The following ARHGEF28 variants were observed in gnomAD, a reference collection of about 807,000 sequenced individuals.
ARHGEF28 encodes Rho guanine nucleotide exchange factor 28.
ARHGEF28 carries 152 observed loss-of-function variants against 206.6 expected under a neutral mutation model. That is an observed-to-expected ratio of 0.74 (90% CI 0.64 to 0.84). The LOEUF (loss-of-function observed/expected upper bound fraction) is 0.84, where lower values mean the gene tolerates loss of function less well. Ranked by LOEUF, ARHGEF28 falls within the 40% of genes least tolerant of loss-of-function variation. ARHGEF28 has a pLI of 0.00. For missense variants in ARHGEF28, 2,028 were observed against 2,073.2 expected, an observed-to-expected ratio of 0.98 and a Z score of 0.42; for synonymous variants, 763 against 776.4, an observed-to-expected ratio of 0.98 and a Z score of 0.29.
At chr5:73,736,798 G>A (rs996769394) in intron 2 of ARHGEF28, among the ~76,000 whole-genome samples, 7 of 141,694 alleles carry the variant, frequency 4.9e-5, no homozygotes, top group African/African-American at 1.0e-4. Context: ...CCATGGTAAG[G>A]TTTGTAAACA....
intron 1 of ARHGEF28, 98 bp from the exon 2 acceptor site, chr5:73,684,743 T>G (rs1334115747): frequency 1.1e-6 from 1 of 949,812 alleles, no homozygotes; most frequent in Non-Finnish European, 1.6e-6. Flanking sequence ...CTAATGAGTT[T>G]GCTTCTCCCT....
At chr5:73,750,044 G>A in intron 3 of ARHGEF28, 60 bp downstream of exon 3, 1 of 1,588,092 alleles carries the variant, frequency 6.3e-7, no homozygotes, top group East Asian at 2.2e-5. Flanking sequence ...TTCCCTCCAG[G>A]GCTGTAGGCC....
At chr5:73,737,836 C>A (rs1184154149) in intron 2 of ARHGEF28, among the ~76,000 whole-genome samples, 1 of 152,026 alleles carries the variant, frequency 6.6e-6, no homozygotes, top group Non-Finnish European at 1.5e-5. Flanking sequence ...CTTTTCTTTC[C>A]CCTCTTCTGT....
rs1282706697 is a variant in ARHGEF28, at chr5:73,909,460, C to G, written c.4210C>G (p.Leu1404Val). The change falls in exon 34 of 36, where the codon CTC becomes GTC. Residue 1404 changes from leucine to valine, a missense_variant. Leu to Val is a conservative substitution (Grantham distance 32, BLOSUM62 1). This residue lies in a region of ARHGEF28 where 803 missense variants were observed against 768.0 expected (regional missense o/e 1.05). Transcript: ENST00000513042. ...CCACATTGAGATCCACAGGCTGGTT[C>G]TCCAGCAGCAGGAGGGCCTGTCTCT... ...DSHIEIHRLV[L>V]QQQEGLSLGH... The G allele has an allele frequency of 6.2e-7, 1 of 1,612,828 alleles. No homozygotes were observed. Among genetic ancestry groups the G allele is most frequent in the African/African-American group, 1.3e-5 (1 of 74,940 alleles).
At chr5:73,904,486 A>G (rs1487695626) in intron 33 of ARHGEF28, 81 bp downstream of exon 33, 3 of 1,414,524 alleles carry the variant, frequency 2.1e-6, no homozygotes, top group Non-Finnish European at 2.9e-6. Context: ...GACTTTAAAA[A>G]TGAGAACAAG....
intron 2 of ARHGEF28, 104 bp downstream of exon 2, chr5:73,684,988 C>A: frequency 7.9e-7 from 1 of 1,264,542 alleles, no homozygotes; most frequent in Non-Finnish European, 1.1e-6. Flanking sequence ...TGAGTTAAGG[C>A]TTTTTAAAAA....
In ARHGEF28 at chr5:73,776,708, G is replaced by A. The variant is rs1166081631; in HGVS notation, c.840+12G>A. The A allele has an allele frequency of 2.5e-6, 4 of 1,597,228 alleles. No individual in the cohort carries two copies. The South Asian group carries it at 4.5e-5, about 18-fold the overall frequency. On this transcript the variant is annotated intron_variant, in intron 6 of 35. Coordinates refer to ENST00000513042, the MANE Select transcript of ARHGEF28 (RefSeq NM_001177693.2). ...CCTTTCTTGTCAAGGTTTGTACATA[G>A]TGATTCTAGCATGTGATAATGCATG...
chr5:73,868,236 A>AAG lies in ARHGEF28; in HGVS notation c.2425+11_2425+12dup, dbSNP rs1269315685. 5.1e-6 allele frequency: 8 copies of AAG among 1,564,098 alleles called. No individual in the cohort carries two copies. In the African/African-American group the frequency reaches 1.1e-4, roughly 21 times the overall value. ...GTCTTTCATAATGGAAGGTGAGGAG[A>AAG]AGACACACTTCCATTTATTTGTGTT... is the stretch of plus-strand genomic sequence containing the variant. On this transcript the variant is annotated intron_variant, in intron 20 of 35. Transcript: ENST00000513042.
At chr5:73,915,550 A>G (rs890588738) in intron 35 of ARHGEF28, among the ~76,000 whole-genome samples, 3 of 152,124 alleles carry the variant, frequency 2.0e-5, no homozygotes, top group African/African-American at 4.8e-5. Context: ...GAATATTTGA[A>G]TTTCCTTAAA....
intron 1 of ARHGEF28, among the ~76,000 whole-genome samples, chr5:73,642,015 C>A (rs1744143254): frequency 6.6e-6 from 1 of 152,182 alleles, no homozygotes; most frequent in African/African-American, 2.4e-5. Flanking sequence ...GGTTTGTAGC[C>A]TGTTTATTGA....
At chr5:73,933,223 T>G (rs1764232882) in intron 35 of ARHGEF28, among the ~76,000 whole-genome samples, 1 of 152,198 alleles carries the variant, frequency 6.6e-6, no homozygotes, top group Admixed American at 6.5e-5. Context: ...AAAGGACAGA[T>G]ACACTGAAGC....
At chr5:73,781,709 G>A (rs1337267605) in intron 7 of ARHGEF28, among the ~76,000 whole-genome samples, 3 of 151,968 alleles carry the variant, frequency 2.0e-5, no homozygotes. Flanking sequence ...CGTCTCCTAG[G>A]GTATTTAGGG....
chr5:73,666,092 G>T (rs940321984), intron 1 of ARHGEF28, among the ~76,000 whole-genome samples: 2 of 152,120 alleles, frequency 1.3e-5, no homozygotes, highest in Non-Finnish European at 2.9e-5. Flanking sequence ...ATAATGATGG[G>T]ACAGGTATAG....
At chr5:73,893,156 A>G (rs952159817) in intron 27 of ARHGEF28, 41 bp from the exon 28 acceptor site, 40 of 1,465,008 alleles carry the variant, frequency 2.7e-5, no homozygotes, top group Non-Finnish European at 3.6e-5. Flanking sequence ...AGATACTTGC[A>G]TTTGGTTTCA....
rs185093993 is a variant in ARHGEF28, at chr5:73,805,786, A to G, written c.1024+10395A>G. 2.1e-3 allele frequency among the ~76,000 whole-genome samples: 321 copies of G among 152,274 alleles called. 1 individual carries two copies. The highest frequency in any genetic ancestry group is 3.4e-3 in the Non-Finnish European group (233 of 68,024). On this transcript the variant is annotated intron_variant, in intron 9 of 35. Coordinates refer to ENST00000513042, the MANE Select transcript of ARHGEF28 (RefSeq NM_001177693.2). ...GATATATGTACATAGGTTAGGATAC[A>G]TTTATATATTTTCTTGATCTGGCAG...
chr5:73,690,429 T>A (rs1747738642), intron 2 of ARHGEF28, among the ~76,000 whole-genome samples: 1 of 150,912 alleles, frequency 6.6e-6, no homozygotes, highest in Non-Finnish European at 1.5e-5. Context: ...TATAATTGGC[T>A]GTGTGTGGTG....
intron 21 of ARHGEF28, among the ~76,000 whole-genome samples, chr5:73,871,704 T>G (rs1367360729): frequency 6.6e-6 from 1 of 152,250 alleles, no homozygotes; most frequent in Admixed American, 6.5e-5. Context: ...AGGTCCTGTC[T>G]AATTTCAGAA....
intron 2 of ARHGEF28, among the ~76,000 whole-genome samples, chr5:73,734,263 C>G (rs770493482): frequency 5.3e-5 from 8 of 152,060 alleles, no homozygotes; most frequent in Non-Finnish European, 1.2e-4. Flanking sequence ...TTAAATACTA[C>G]GAGACAGGTT....
intron 1 of ARHGEF28, among the ~76,000 whole-genome samples, chr5:73,650,317 T>G (rs1744727910): frequency 6.7e-6 from 1 of 148,510 alleles, no homozygotes; most frequent in Admixed American, 6.7e-5. Flanking sequence ...CGGAGTCTCA[T>G]TCTGTCACCC....
Sources: gnomAD v4.1 joint callset for allele counts (sites outside exome capture counted in the v4.1 genomes callset) on GRCh38, gnomAD v4.1.1 for gene constraint, gnomAD v4.1.1 regional missense constraint, MANE v1.5 for transcripts, NCBI Gene and HGNC (gene_info 2026-07-23, HGNC 2026-07-21) for gene names.